MOB1A: variants seen among roughly 807,000 people sequenced by gnomAD.
The protein encoded by MOB1A is MOB kinase activator 1A, also known as MOB1 Mps One Binder homolog A.
MOB1A carries 10 observed loss-of-function variants against 25.1 expected under a neutral mutation model. The ratio of observed to expected loss-of-function variants is 0.40; its 90% confidence interval spans 0.25 to 0.68. MOB1A has a LOEUF of 0.68. Ranked by LOEUF, MOB1A falls within the 30% of genes least tolerant of loss-of-function variation. The probability of loss-of-function intolerance (pLI) is 0.40; values close to 1 mark genes in which losing one functional copy is unlikely to be tolerated. For missense variants in MOB1A, 177 were observed against 256.3 expected (o/e 0.69, Z 2.11); for synonymous variants, 81 against 79.5 (o/e 1.02, Z -0.10).
chr2:74,168,831 A>G (rs1693203365), intron 2 of MOB1A, among the ~76,000 whole-genome samples: 1 of 152,228 alleles, frequency 6.6e-6, no homozygotes, highest in Non-Finnish European at 1.5e-5. Flanking sequence ...TAGGTATTCA[A>G]TATTCACTCA....
rs1301886745 is a variant in MOB1A, at chr2:74,159,825, CCCCA to C, written c.410-575_410-572del. The stretch of plus-strand genomic sequence containing the variant: ...TTAGTTTTTTGTTTTTTGTCCCCCC[CCCCA>C]CCCCGGAGACTGAGCCTCACTCTGT... On this transcript the variant is annotated intron_variant, in intron 4 of 5. Coordinates refer to ENST00000396049, the MANE Select transcript of MOB1A (RefSeq NM_018221.5). 7.1e-3 allele frequency among the ~76,000 whole-genome samples: 777 copies of C among 110,206 alleles called. 12 individuals are homozygous for C. The highest frequency in any genetic ancestry group is 0.025 in the African/African-American group (747 of 29,552). 72.3% of individuals were successfully genotyped at this position (110,206 alleles called of 152,430 possible).
At chr2:74,166,955 A>G in intron 3 of MOB1A, 59 bp downstream of exon 3, 1 of 1,204,680 alleles carries the variant, frequency 8.3e-7, no homozygotes, top group Non-Finnish European at 1.2e-6. Flanking sequence ...TTTAATTTCT[A>G]TCAATTGGTG....
In MOB1A at chr2:74,173,766, C is replaced by T. The variant is rs558681897; in HGVS notation, c.15-1014G>A. On this transcript the variant is annotated intron_variant, in intron 1 of 5. Transcript: ENST00000396049. The stretch of plus-strand genomic sequence containing the variant: ...GAGATCGAGACCATCCTGGCTAACA[C>T]GGTGAAACCCCGTCTCTACTAAAAA... 4.1e-3 allele frequency among the ~76,000 whole-genome samples: 598 copies of T among 145,544 alleles called. 4 individuals carry two copies. Among genetic ancestry groups the T allele is most frequent in the South Asian group, 9.2e-3 (42 of 4,574 alleles).
chr2:74,177,228 G>A (rs1381205044), intron 1 of MOB1A, among the ~76,000 whole-genome samples: 1 of 151,960 alleles, frequency 6.6e-6, no homozygotes, highest in Non-Finnish European at 1.5e-5. Context: ...CAGGAGAGTC[G>A]CTTGAACCCG....
rs530412461 is a variant in MOB1A at position 74,163,195 on chromosome 2, C to T, written c.409+2023G>A. ...CACTCAGTGCAATCAGATAAGCAAGCGTAAAAACAAGAATACATTATCAGA... is the reference window on the plus strand; with the variant it reads ...CACTCAGTGCAATCAGATAAGCAAGTGTAAAAACAAGAATACATTATCAGA... On this transcript the variant is annotated intron_variant, in intron 4 of 5. Transcript: ENST00000396049. 3.9e-5 allele frequency among the ~76,000 whole-genome samples: 6 copies of T among 152,028 alleles called. No individual in the cohort carries two copies. The East Asian group carries it at 7.7e-4, about 20-fold the overall frequency.
chr2:74,161,447 T>A (rs1021231851), intron 4 of MOB1A, among the ~76,000 whole-genome samples: 3 of 150,726 alleles, frequency 2.0e-5, no homozygotes, highest in Admixed American at 6.6e-5. Context: ...ATCGAGACCA[T>A]CCTGGCTAAC....
At chr2:74,165,121 A>G in intron 4 of MOB1A, 97 bp downstream of exon 4, 1 of 967,928 alleles carries the variant, frequency 1.0e-6, no homozygotes, top group Non-Finnish European at 1.4e-6. Flanking sequence ...GGAGTTTGAG[A>G]CCAACCTGGA....
chr2:74,173,948 C>CAAA (rs773447145), intron 1 of MOB1A, among the ~76,000 whole-genome samples: 28 of 56,170 alleles, frequency 5.0e-4, no homozygotes, highest in African/African-American at 1.5e-3. Flanking sequence ...AACTCCGTCT[C>CAAA]AAAAAAAAAA....
chr2:74,165,424 GTTCA>G, intron 3 of MOB1A, 73 bp from the exon 4 acceptor site: 1 of 910,246 alleles, frequency 1.1e-6, no homozygotes, highest in South Asian at 2.9e-5. Context: ...ATTAAAACAG[GTTCA>G]TTCACATTTT....
rs532019967 is a variant in MOB1A, at chr2:74,155,083, T to C, written c.*1485A>G. The C allele has an allele frequency of 2.6e-5, 4 of 152,000 alleles. No homozygotes were observed. Among genetic ancestry groups the C allele is most frequent in the African/African-American group, 4.8e-5 (2 of 41,440 alleles). The allele number at this position is 152,000 out of a possible 1,614,324, so 9.4% of individuals were successfully genotyped here. A position where few individuals can be genotyped will look rare whatever the true frequency, so the allele number is the denominator to read the frequency against. On this transcript the variant is annotated 3_prime_UTR_variant, in exon 6 of 6. Transcript: ENST00000396049. ...ACCTTTATCAAAGCCATCGAGGAGG[T>C]TGGTAAAATACTTTGCAAAAATCAC...
At chr2:74,173,294 G>A in intron 1 of MOB1A, 1 of 471,054 alleles carries the variant, frequency 2.1e-6, no homozygotes, top group Non-Finnish European at 4.2e-6. Flanking sequence ...CTGGTACAGA[G>A]AAACATCCTG....
In MOB1A at chr2:74,178,784, G is replaced by A. The variant is rs1478308967; in HGVS notation, c.-110C>T. 5 of 276,202 alleles carry A rather than the reference G, an allele frequency of 1.8e-5. No individual in the cohort carries two copies. The highest frequency in any genetic ancestry group is 1.1e-3 in the Middle Eastern group (1 of 880). 17.1% of individuals were successfully genotyped at this position (276,202 alleles called of 1,614,324 possible). The stretch of plus-strand genomic sequence containing the variant: ...TTAGCTCACGGGCAGCGGAAGCCGG[G>A]CCGCCGCCGCTCGGAGCCGGGTTTC... On this transcript the variant is annotated 5_prime_UTR_variant, in exon 1 of 6. Coordinates refer to ENST00000396049, the MANE Select transcript of MOB1A (RefSeq NM_018221.5).
At chr2:74,173,654 A>G (rs1175339975) in intron 1 of MOB1A, among the ~76,000 whole-genome samples, 1 of 151,414 alleles carries the variant, frequency 6.6e-6, no homozygotes, top group Non-Finnish European at 1.5e-5. Flanking sequence ...AGTGCTATAG[A>G]AAATGATGGG....
chr2:74,165,295 G>A lies in MOB1A; in HGVS notation c.332C>T (p.Ala111Val). Reference protein sequence around the residue: ...TNIKKPIKCSAPKYIDYLMTW... With the variant: ...TNIKKPIKCSVPKYIDYLMTW... ...CATCAAATAGTCAATGTATTTTGGT[G>A]CAGAACATTTGATTGGCTTTTTAAT... Residue 111 changes from alanine to valine, a missense_variant, in exon 4 of 6, where the codon GCA becomes GTA. Ala to Val is a moderately conservative substitution (Grantham distance 64, BLOSUM62 0). Transcript: ENST00000396049. 1 of 1,584,532 alleles carries A rather than the reference G, an allele frequency of 6.3e-7. No individual in the cohort carries two copies. The highest frequency in any genetic ancestry group is 8.6e-7 in the Non-Finnish European group (1 of 1,163,940).
chr2:74,178,832 A>C lies in MOB1A; in HGVS notation c.-158T>G. The C allele has an allele frequency of 4.8e-6, 2 of 418,080 alleles. No homozygotes were observed. The highest frequency in any genetic ancestry group is 4.0e-6 in the Non-Finnish European group (1 of 247,318). The allele number at this position is 418,080 out of a possible 1,614,324, so 25.9% of individuals were successfully genotyped here. A position where few individuals can be genotyped will look rare whatever the true frequency, so the allele number is the denominator to read the frequency against. ...TTCTGGCCGCTGCGAGCCTTTGCAA[A>C]CCTCGGCGCCCGCCTTGCCCGCCTA... On this transcript the variant is annotated 5_prime_UTR_variant, in exon 1 of 6. Transcript: ENST00000396049.
intron 4 of MOB1A, among the ~76,000 whole-genome samples, chr2:74,159,716 A>T (rs1215303726): frequency 6.6e-6 from 1 of 152,216 alleles, no homozygotes. Flanking sequence ...CTCACAAAGT[A>T]CCACACTTTT....
Position 74,167,115 on chromosome 2 carries a change from G to A in MOB1A, c.182-8C>T, listed in dbSNP as rs979372057. 6 of 1,607,886 alleles carry A rather than the reference G, an allele frequency of 3.7e-6. No individual in the cohort carries two copies. The highest frequency in any genetic ancestry group is 5.1e-6 in the Non-Finnish European group (6 of 1,175,546). Reference sequence around the variant, plus strand: ...GGTTAAAGAAATCCACAGCTGCAGAGATAATAGAATTGTGTCAAAATGTCT... The same window carrying A: ...GGTTAAAGAAATCCACAGCTGCAGAAATAATAGAATTGTGTCAAAATGTCT... On this transcript the variant is annotated splice_region_variant and splice_polypyrimidine_tract_variant and intron_variant, in intron 2 of 5. Transcript: ENST00000396049.
In MOB1A at chr2:74,153,217, T is replaced by C. The variant is rs1276166310; in HGVS notation, c.*3351A>G. On this transcript the variant is annotated 3_prime_UTR_variant, in exon 6 of 6. Transcript: ENST00000396049. ...GTAGCACCAGCACCATGACTAGGGC[T>C]GCTTTAAAACAAATTTCTAGGACTT... The C allele has an allele frequency of 6.6e-6, 1 of 152,208 alleles. No homozygotes were observed. The highest frequency in any genetic ancestry group is 1.9e-4 in the East Asian group (1 of 5,198). 9.4% of individuals were successfully genotyped at this position (152,208 alleles called of 1,614,324 possible). A position where few individuals can be genotyped will look rare whatever the true frequency, so the allele number is the denominator to read the frequency against.
At chr2:74,172,776 T>G in intron 1 of MOB1A, 24 bp from the exon 2 acceptor site, 1 of 1,600,504 alleles carries the variant, frequency 6.2e-7, no homozygotes, top group Non-Finnish European at 8.5e-7. Flanking sequence ...AGTGCAAGTA[T>G]ATGAATTTTT....
Sources: gnomAD v4.1 joint callset for allele counts (sites outside exome capture counted in the v4.1 genomes callset) on GRCh38, gnomAD v4.1.1 for gene constraint, MANE v1.5 for transcripts, NCBI Gene and HGNC (gene_info 2026-07-23, HGNC 2026-07-21) for gene names.